Variants in EIF4H observed in about 807,000 individuals in gnomAD.
EIF4H encodes eukaryotic translation initiation factor 4H.
In EIF4H, 8 loss-of-function variants were observed where a neutral mutation model predicts 30.6. That is an observed-to-expected ratio of 0.26 (90% CI 0.15 to 0.47). EIF4H has a LOEUF of 0.47. EIF4H is among the 20% of genes least tolerant of loss of function. The pLI is 0.99. For synonymous variants in EIF4H, 106 were observed against 122.7 expected (o/e 0.86, Z 0.90); for missense variants, 188 against 339.5 (o/e 0.55, Z 3.51).
chr7:74,178,053 A>G (rs1800879437), intron 1 of EIF4H, among the ~76,000 whole-genome samples: 1 of 151,844 alleles, frequency 6.6e-6, no homozygotes, highest in South Asian at 2.1e-4. Flanking sequence ...CCATCCTCCC[A>G]CCTCAGCCTC....
rs782104470 is a variant in EIF4H, at chr7:74,189,884, C to T, written c.375C>T (p.Gly125=). 6.2e-7 allele frequency: 1 copy of T among 1,614,188 alleles called. No individual in the cohort carries two copies. ...IAEGRKQDKG[G]FGFRKGGPDD... is the part of the protein sequence containing the mutation. ...AAGGCAGAAAACAAGATAAAGGTGG[C>T]TTTGGATTCAGAAAAGGTGGACCAG... The change falls in exon 4 of 7, where the codon GGC becomes GGT. Residue 125 remains glycine (G), a synonymous_variant. Transcript: ENST00000265753.
At position 74,187,719 on chromosome 7, in the gene EIF4H, C is replaced by T. The variant is rs782718394; in HGVS notation, c.168C>T (p.Gly56=). 20 of 1,613,616 alleles carry T rather than the reference C, an allele frequency of 1.2e-5. No homozygotes were observed. The highest frequency in any genetic ancestry group is 3.3e-5 in the Admixed American group (2 of 59,950). Residue 56 remains glycine, a synonymous_variant, in exon 2 of 7, where the codon GGC becomes GGT. Coordinates refer to ENST00000265753, the MANE Select transcript of EIF4H (RefSeq NM_022170.2). ...ATCTACCTTTCAATACGGTTCAGGG[C>T]GACATAGATGCTATCTTTAAGGATC... is the stretch of plus-strand genomic sequence containing the variant. The part of the protein sequence containing the change: ...VGNLPFNTVQ[G]DIDAIFKDLS...
intron 1 of EIF4H, among the ~76,000 whole-genome samples, chr7:74,183,212 C>A (rs2115954152): frequency 6.6e-6 from 1 of 152,312 alleles, no homozygotes; most frequent in African/African-American, 2.4e-5. Context: ...CTACTTTAAT[C>A]TTTCATAATC....
At chr7:74,181,307 T>A (rs1434915245) in intron 1 of EIF4H, among the ~76,000 whole-genome samples, 5 of 152,236 alleles carry the variant, frequency 3.3e-5, no homozygotes, top group Admixed American at 6.5e-5. Context: ...CTTATTTTTT[T>A]AAATTTTAAT....
chr7:74,188,442 C>T (rs1354678736), intron 2 of EIF4H, among the ~76,000 whole-genome samples: 2 of 152,096 alleles, frequency 1.3e-5, no homozygotes, highest in Admixed American at 6.6e-5. Context: ...ATGTTTGGCC[C>T]GCATAATCCA....
At chr7:74,193,049 C>T (rs1278700227) in intron 5 of EIF4H, among the ~76,000 whole-genome samples, 2 of 152,118 alleles carry the variant, frequency 1.3e-5, no homozygotes, top group African/African-American at 4.8e-5. Context: ...TAACATTGAA[C>T]TCAGGGCCAG....
chr7:74,186,788 A>ATTTTTTTTTTTTTTTTT (rs564794579), intron 1 of EIF4H, among the ~76,000 whole-genome samples: 2 of 70,088 alleles, frequency 2.9e-5, no homozygotes, highest in Admixed American at 1.7e-4. Context: ...ACAAGGAGAA[A>ATTTTTTTTTTTTTTTTT]TTTTTTTTTT....
rs1563957044 is a variant in EIF4H, at chr7:74,195,758, C to G, written c.*450C>G. Reference sequence around the variant, plus strand: ...TCTCTTCTGACCTGCATGTTGAGTTCTGTATTGCTGGGGCTTCCAACAAAA... The same window carrying G: ...TCTCTTCTGACCTGCATGTTGAGTTGTGTATTGCTGGGGCTTCCAACAAAA... On this transcript the variant is annotated 3_prime_UTR_variant, in exon 7 of 7. Coordinates refer to ENST00000265753, the MANE Select transcript of EIF4H (RefSeq NM_022170.2). 1 of 156,554 alleles carries G rather than the reference C, an allele frequency of 6.4e-6. No homozygotes were observed. Among genetic ancestry groups the G allele is most frequent in the Non-Finnish European group, 1.4e-5 (1 of 69,554 alleles). The allele number at this position is 156,554 out of a possible 1,614,324, so 9.7% of individuals were successfully genotyped here. A position where few individuals can be genotyped will look rare whatever the true frequency, so the allele number is the denominator to read the frequency against.
Position 74,193,897 on chromosome 7 carries a change from C to G in EIF4H, c.470-844C>G, listed in dbSNP as rs139006170. Among the ~76,000 whole-genome samples, 281 of 152,268 alleles carry G rather than the reference C, an allele frequency of 1.8e-3. 8 individuals carry two copies. In the East Asian group the frequency reaches 0.05, roughly 27 times the overall value. ...GCTGGGATTACAGGCGTGAACCAGT[C>G]TTTTTACCAAATTTTAACATCAGTA... On this transcript the variant is annotated intron_variant, in intron 5 of 6. Coordinates refer to ENST00000265753, the MANE Select transcript of EIF4H (RefSeq NM_022170.2).
intron 1 of EIF4H, among the ~76,000 whole-genome samples, chr7:74,178,171 G>C (rs543486735): frequency 6.6e-6 from 1 of 152,194 alleles, no homozygotes; most frequent in South Asian, 2.1e-4. Flanking sequence ...AAACCCCTGG[G>C]CTCAAGGGAT....
Position 74,189,882 on chromosome 7 carries a change from G to A in EIF4H, c.373G>A (p.Gly125Ser), listed in dbSNP as rs1185172285. 3 of 1,614,072 alleles carry A rather than the reference G, an allele frequency of 1.9e-6. No individual in the cohort carries two copies. Among genetic ancestry groups the A allele is most frequent in the Non-Finnish European group, 2.5e-6 (3 of 1,180,042 alleles). The change falls in exon 4 of 7, where the codon GGC (glycine) becomes AGC (serine). Residue 125 changes from glycine (G) to serine (S), a missense_variant. Around this residue, in one of 4 missense-constraint regions of EIF4H, gnomAD observed 52 missense variants for 143.9 expected, o/e 0.36. Transcript: ENST00000265753. ...IAEGRKQDKGGFGFRKGGPDD... is the reference protein window; with the variant it reads ...IAEGRKQDKGSFGFRKGGPDD... ...AGAAGGCAGAAAACAAGATAAAGGT[G>A]GCTTTGGATTCAGAAAAGGTGGACC...
chr7:74,190,226 A>G (rs1348506183), intron 4 of EIF4H, 21 bp from the exon 5 acceptor site: 2 of 1,613,116 alleles, frequency 1.2e-6, no homozygotes, highest in South Asian at 1.1e-5. Context: ...CCTCAACTTT[A>G]TCTTTTTTGT....
chr7:74,186,605 C>T (rs1392978501), intron 1 of EIF4H, among the ~76,000 whole-genome samples: 3 of 151,998 alleles, frequency 2.0e-5, no homozygotes, highest in Non-Finnish European at 4.4e-5. Flanking sequence ...GAGTAAACGA[C>T]GCTTGATACA....
At position 74,174,434 on chromosome 7, in the gene EIF4H, C is replaced by T. The variant is rs782139979; in HGVS notation, c.51C>T (p.Gly17=). The T allele has an allele frequency of 4.2e-6, 6 of 1,442,668 alleles. No individual in the cohort carries two copies. The highest frequency in any genetic ancestry group is 1.4e-5 in the South Asian group (1 of 69,224). The allele number at this position is 1,442,668 out of a possible 1,614,324, so 89.4% of individuals were successfully genotyped here. ...ATCGGGCCTACAGCAGCTTCGGCGG[C>T]GGCAGAGGGTGAGGCGGGCGTGCGC... ...YDDRAYSSFG[G]GRGSRGSAGG... is the part of the protein sequence containing the mutation. Residue 17 remains glycine, a synonymous_variant, in exon 1 of 7, where the codon GGC becomes GGT. Transcript: ENST00000265753.
chr7:74,182,733 T>G (rs987083684), intron 1 of EIF4H, among the ~76,000 whole-genome samples: 2 of 152,184 alleles, frequency 1.3e-5, no homozygotes, highest in Admixed American at 1.3e-4. Flanking sequence ...TTGCATCTAC[T>G]TACTGGATAC....
At position 74,174,452 on chromosome 7, in the gene EIF4H, G is replaced by C. The variant is rs113057898; in HGVS notation, c.59+10G>C. The C allele has an allele frequency of 7.0e-7, 1 of 1,426,156 alleles. No homozygotes were observed. The highest frequency in any genetic ancestry group is 9.3e-7 in the Non-Finnish European group (1 of 1,074,548). The allele number at this position is 1,426,156 out of a possible 1,614,324, so 88.3% of individuals were successfully genotyped here. A position where few individuals can be genotyped will look rare whatever the true frequency, so the allele number is the denominator to read the frequency against. On this transcript the variant is annotated intron_variant, in intron 1 of 6. Transcript: ENST00000265753. Reference sequence around the variant, plus strand: ...TCGGCGGCGGCAGAGGGTGAGGCGGGCGTGCGCGGGCCCCGTCGGGGGCTG... The same window carrying C: ...TCGGCGGCGGCAGAGGGTGAGGCGGCCGTGCGCGGGCCCCGTCGGGGGCTG...
At chr7:74,191,286 C>T in intron 5 of EIF4H, 1 of 532,890 alleles carries the variant, frequency 1.9e-6, no homozygotes, top group South Asian at 1.4e-5. Flanking sequence ...CTGATTGAAA[C>T]ATGCAGCAGC....
chr7:74,194,719 C>T lies in EIF4H; in HGVS notation c.470-22C>T, dbSNP rs782503481. ...GGAGACGATAGTTTGAAAAGTAATT[C>T]AGTGTCCTGTTTCTTCCTCAGGCTT... On this transcript the variant is annotated intron_variant, in intron 5 of 6. Transcript: ENST00000265753. 2.6e-6 allele frequency: 4 copies of T among 1,548,104 alleles called. No homozygotes were observed. The Admixed American group carries it at 7.8e-5, about 30-fold the overall frequency.
chr7:74,176,077 A>G (rs1358912688), intron 1 of EIF4H, among the ~76,000 whole-genome samples: 2 of 152,162 alleles, frequency 1.3e-5, no homozygotes, highest in African/African-American at 4.8e-5. Context: ...TGAACTTCCT[A>G]ATAGAAAGTC....
Sources: gnomAD v4.1 joint callset for allele counts (sites outside exome capture counted in the v4.1 genomes callset) on GRCh38, gnomAD v4.1.1 for gene constraint, gnomAD v4.1.1 regional missense constraint, MANE v1.5 for transcripts, NCBI Gene and HGNC (gene_info 2026-07-23, HGNC 2026-07-21) for gene names.